Variants in FAM193A observed in about 807,000 individuals in gnomAD.
The protein encoded by FAM193A is protein FAM193A.
Under a neutral mutation model 126.5 loss-of-function variants are expected in FAM193A, and 22 were observed. The ratio of observed to expected loss-of-function variants is 0.17; its 90% CI spans 0.12 to 0.25. The LOEUF (loss-of-function observed/expected upper bound fraction) is 0.25, where lower values mean the gene tolerates loss of function less well. Among genes scored for constraint, FAM193A ranks in the 10% least tolerant of loss-of-function variants. FAM193A has a pLI of 1.00. For missense variants in FAM193A, 1,675 were observed against 1,672.8 expected (o/e 1.00, Z -0.02); for synonymous variants, 761 against 646.8 (o/e 1.18, Z -2.68).
chr4:2,550,685 C>G (rs1002183894), intron 1 of FAM193A, among the ~76,000 whole-genome samples: 1 of 152,024 alleles, frequency 6.6e-6, no homozygotes, highest in African/African-American at 2.4e-5. Context: ...ATCTGCCCAC[C>G]TCGGCCTCCC....
chr4:2,621,633 C>T (rs1742551206), intron 2 of FAM193A, among the ~76,000 whole-genome samples: 1 of 152,098 alleles, frequency 6.6e-6, no homozygotes, highest in African/African-American at 2.4e-5. Flanking sequence ...ATAGGTGTGC[C>T]ACTAGAGAGA....
intron 14 of FAM193A, 68 bp from the exon 15 acceptor site, chr4:2,690,630 A>C: frequency 2.8e-6 from 4 of 1,430,134 alleles, no homozygotes; most frequent in Non-Finnish European, 3.8e-6. Context: ...AGTCATCAGC[A>C]TGTCTTTTAG....
At chr4:2,544,880 CA>C (rs1560431371) in intron 1 of FAM193A, among the ~76,000 whole-genome samples, 1 of 151,856 alleles carries the variant, frequency 6.6e-6, no homozygotes, top group Non-Finnish European at 1.5e-5. Context: ...TAAAAAAAAA[CA>C]AAAAAGACTA....
intron 1 of FAM193A, among the ~76,000 whole-genome samples, chr4:2,538,496 T>C (rs953887409): frequency 2.0e-5 from 3 of 151,700 alleles, no homozygotes; most frequent in Non-Finnish European, 4.4e-5. Context: ...CCCGGCCGTT[T>C]TTATTATTAT....
At chr4:2,608,052 A>C in intron 2 of FAM193A, 1 of 1,608,946 alleles carries the variant, frequency 6.2e-7, no homozygotes, top group African/African-American at 1.3e-5. Flanking sequence ...TGCAGCATAA[A>C]TTGCAGAGTG....
At chr4:2,544,396 C>CA (rs1468194958) in intron 1 of FAM193A, among the ~76,000 whole-genome samples, 1 of 151,944 alleles carries the variant, frequency 6.6e-6, no homozygotes, top group South Asian at 2.1e-4. Flanking sequence ...TCTGTCTCAA[C>CA]AAAAAACTTA....
At chr4:2,580,679 T>G (rs909153379) in intron 1 of FAM193A, among the ~76,000 whole-genome samples, 1 of 152,214 alleles carries the variant, frequency 6.6e-6, no homozygotes, top group Non-Finnish European at 1.5e-5. Flanking sequence ...TATCTCTGGC[T>G]CCTCACTCTC....
At chr4:2,657,328 T>C (rs1377783330) in intron 7 of FAM193A, among the ~76,000 whole-genome samples, 1 of 152,230 alleles carries the variant, frequency 6.6e-6, no homozygotes, top group Non-Finnish European at 1.5e-5. Flanking sequence ...CCTCAGTAAT[T>C]TCTCTTTTTG....
intron 2 of FAM193A, among the ~76,000 whole-genome samples, chr4:2,608,620 G>A (rs1332174067): frequency 6.6e-6 from 1 of 152,018 alleles, no homozygotes; most frequent in African/African-American, 2.4e-5. Context: ...GGTGTGCCTC[G>A]GCACACTGTT....
chr4:2,643,998 A>G (rs1324498990), intron 6 of FAM193A, among the ~76,000 whole-genome samples: 2 of 152,220 alleles, frequency 1.3e-5, no homozygotes, highest in Admixed American at 6.5e-5. Flanking sequence ...AATGTTTCAC[A>G]TACACATTGG....
chr4:2,558,385 T>C (rs141062879), intron 1 of FAM193A, among the ~76,000 whole-genome samples: 1 of 152,270 alleles, frequency 6.6e-6, no homozygotes, highest in African/African-American at 2.4e-5. Flanking sequence ...AGGCAAACAT[T>C]GTCTACGAGT....
chr4:2,607,588 G>T (rs947118909), intron 2 of FAM193A, among the ~76,000 whole-genome samples: 2 of 152,176 alleles, frequency 1.3e-5, no homozygotes, highest in Non-Finnish European at 2.9e-5. Context: ...AACCAGATTT[G>T]TTTTTAGTAT....
intron 2 of FAM193A, among the ~76,000 whole-genome samples, chr4:2,624,827 C>T (rs1315659860): frequency 1.3e-5 from 2 of 152,312 alleles, no homozygotes; most frequent in East Asian, 3.9e-4. Context: ...CAGGCGTGAA[C>T]CGCCATGCCC....
chr4:2,555,771 C>T (rs1035857213), intron 1 of FAM193A, among the ~76,000 whole-genome samples: 1 of 150,338 alleles, frequency 6.7e-6, no homozygotes, highest in Non-Finnish European at 1.5e-5. Context: ...GCGCCCACCA[C>T]CACACCCAGA....
At chr4:2,569,812 C>T (rs1409795646) in intron 1 of FAM193A, among the ~76,000 whole-genome samples, 2 of 152,122 alleles carry the variant, frequency 1.3e-5, no homozygotes, top group Non-Finnish European at 1.5e-5. Flanking sequence ...GCTGCTAATT[C>T]CATTAAAATA....
intron 20 of FAM193A, 114 bp from the exon 21 acceptor site, chr4:2,731,661 C>G (rs1173859091): frequency 3.8e-6 from 3 of 783,658 alleles, no homozygotes; most frequent in Non-Finnish European, 4.4e-6. Context: ...GAATCTAAAC[C>G]CCTGACCCCG....
intron 13 of FAM193A, among the ~76,000 whole-genome samples, chr4:2,674,668 A>G (rs1251273794): frequency 1.3e-5 from 2 of 152,102 alleles, no homozygotes; most frequent in African/African-American, 2.4e-5. Context: ...GTGGGTAAAT[A>G]TTTAGTACCT....
At chr4:2,636,079 C>T (rs1418835259) in intron 5 of FAM193A, among the ~76,000 whole-genome samples, 9 of 149,528 alleles carry the variant, frequency 6.0e-5, no homozygotes, top group Admixed American at 4.0e-4. Context: ...GACAGAGTCT[C>T]ACTCTGTCTC....
chr4:2,687,541 C>T (rs144894741), intron 13 of FAM193A, among the ~76,000 whole-genome samples: 10 of 152,316 alleles, frequency 6.6e-5, no homozygotes, highest in Admixed American at 2.0e-4. Context: ...CTAGCTGTCA[C>T]CTGACCGTGC....
Sources: allele counts gnomAD v4.1 joint callset (sites outside exome capture counted in the v4.1 genomes callset), GRCh38; gene constraint gnomAD v4.1.1; transcripts MANE v1.5; gene names NCBI Gene and HGNC (gene_info 2026-07-23, HGNC 2026-07-21).